RASGRP3: variants seen among roughly 807,000 people sequenced by gnomAD.
RASGRP3 encodes ras guanyl-releasing protein 3.
In RASGRP3, 54 loss-of-function variants were observed where a neutral mutation model predicts 82.7. The ratio of observed to expected loss-of-function variants is 0.65; its 90% CI spans 0.52 to 0.82. RASGRP3 has a LOEUF of 0.82. Ranked by LOEUF, RASGRP3 falls within the 40% of genes least tolerant of loss-of-function variation. RASGRP3 has a pLI of 0.00. For synonymous variants in RASGRP3, 309 were observed against 300.5 expected (o/e 1.03, Z -0.29); for missense variants, 861 against 828.9 (o/e 1.04, Z -0.48).
chr2:33,489,194 AT>A (rs1668642964), intron 1 of RASGRP3, among the ~76,000 whole-genome samples: 2 of 152,200 alleles, frequency 1.3e-5, no homozygotes, highest in South Asian at 4.1e-4. Context: ...ATCCAACCAA[AT>A]ATGTCAATAG....
intron 1 of RASGRP3, among the ~76,000 whole-genome samples, chr2:33,509,914 C>T (rs948194477): frequency 6.6e-6 from 1 of 152,084 alleles, no homozygotes; most frequent in Non-Finnish European, 1.5e-5. Flanking sequence ...AATCTTAATT[C>T]TCCTATGGAG....
chr2:33,514,783 T>C (rs552002294), intron 2 of RASGRP3, among the ~76,000 whole-genome samples: 1 of 152,206 alleles, frequency 6.6e-6, no homozygotes, highest in East Asian at 1.9e-4. Flanking sequence ...TGGGATGGTA[T>C]ATAACAGGGA....
chr2:33,513,343 C>T (rs1671121096), intron 2 of RASGRP3, among the ~76,000 whole-genome samples: 1 of 152,184 alleles, frequency 6.6e-6, no homozygotes, highest in Non-Finnish European at 1.5e-5. Context: ...CTAATACAAC[C>T]ATACATATGG....
At chr2:33,549,840 C>A in intron 14 of RASGRP3, 89 bp downstream of exon 14, 1 of 1,403,866 alleles carries the variant, frequency 7.1e-7, no homozygotes, top group South Asian at 1.5e-5. Context: ...AAATAAAGTT[C>A]ACTGTCTGCT....
At position 33,464,017 on chromosome 2, in the gene RASGRP3, G is replaced by T. The variant is rs574461303; in HGVS notation, c.-261+16074G>T. Among the ~76,000 whole-genome samples, 99 of 151,420 alleles carry T rather than the reference G, an allele frequency of 6.5e-4. 2 individuals carry two copies. The highest frequency in any genetic ancestry group is 1.1e-3 in the Non-Finnish European group (77 of 67,886). On this transcript the variant is annotated intron_variant, in intron 2 of 18. Coordinates refer to the RASGRP3 transcript ENST00000402538. Reference sequence around the variant, plus strand: ...AAAGTTTAAGGCAACCCTGCATCAAGCAAGTCTACTAGGACCATTTTTCCA... The same window carrying T: ...AAAGTTTAAGGCAACCCTGCATCAATCAAGTCTACTAGGACCATTTTTCCA...
intron 2 of RASGRP3, among the ~76,000 whole-genome samples, chr2:33,466,710 G>A (rs1666718253): frequency 6.6e-6 from 1 of 151,946 alleles, no homozygotes; most frequent in African/African-American, 2.4e-5. Context: ...AGCGGAGGAG[G>A]TAACTGCAGA....
intron 17 of RASGRP3, among the ~76,000 whole-genome samples, chr2:33,560,330 G>C (rs1283396920): frequency 6.6e-6 from 1 of 152,180 alleles, no homozygotes; most frequent in East Asian, 1.9e-4. Context: ...CTTGACAACT[G>C]TATCAGTCCT....
intron 1 of RASGRP3, among the ~76,000 whole-genome samples, chr2:33,508,477 G>A (rs148382648): frequency 1.3e-5 from 2 of 152,258 alleles, no homozygotes; most frequent in African/African-American, 4.8e-5. Flanking sequence ...GGATAAAGAA[G>A]AGGGCCACTT....
chr2:33,557,423 G>C (rs1307000818), intron 15 of RASGRP3, among the ~76,000 whole-genome samples: 3 of 152,150 alleles, frequency 2.0e-5, no homozygotes, highest in Admixed American at 2.0e-4. Flanking sequence ...AAAAAATCCA[G>C]ACAAGGCCGG....
chr2:33,478,948 C>G (rs913857446), intron 1 of RASGRP3, among the ~76,000 whole-genome samples: 3 of 152,196 alleles, frequency 2.0e-5, no homozygotes, highest in Admixed American at 2.0e-4. Flanking sequence ...AGATAGGAAA[C>G]TGAGGTTCTT....
chr2:33,450,814 CTTTCTTTCTTTTTT>C (rs1349458237), intron 2 of RASGRP3, among the ~76,000 whole-genome samples: 7 of 30,658 alleles, frequency 2.3e-4, no homozygotes, highest in African/African-American at 6.5e-4. Flanking sequence ...TTTTCTCTTT[CTTTCTTTCTTTTTT>C]TTTTTTTTTT....
At chr2:33,517,144 T>C (rs2151013810) in intron 4 of RASGRP3, among the ~76,000 whole-genome samples, 1 of 152,350 alleles carries the variant, frequency 6.6e-6, no homozygotes, top group East Asian at 1.9e-4. Context: ...TATAATTTGT[T>C]GACTGATACT....
intron 13 of RASGRP3, among the ~76,000 whole-genome samples, chr2:33,546,899 T>C (rs566544236): frequency 1.2e-4 from 18 of 151,854 alleles, no homozygotes; most frequent in African/African-American, 4.4e-4. Context: ...AAACCCCATC[T>C]CTACTGAAAA....
chr2:33,518,547 A>G (rs897819016), intron 4 of RASGRP3, among the ~76,000 whole-genome samples: 1 of 152,136 alleles, frequency 6.6e-6, no homozygotes, highest in East Asian at 1.9e-4. Flanking sequence ...TCTTTCCTCA[A>G]TAATAAATTA....
chr2:33,467,101 A>G (rs1201871162), intron 2 of RASGRP3, among the ~76,000 whole-genome samples: 1 of 151,982 alleles, frequency 6.6e-6, no homozygotes, highest in African/African-American at 2.4e-5. Flanking sequence ...ACTTGGTATT[A>G]TATATAATAA....
chr2:33,449,823 A>G (rs1307139966), intron 2 of RASGRP3, among the ~76,000 whole-genome samples: 3 of 152,338 alleles, frequency 2.0e-5, no homozygotes, highest in East Asian at 3.9e-4. Flanking sequence ...CAAAATGCAA[A>G]CTTTTGTATA....
intron 14 of RASGRP3, among the ~76,000 whole-genome samples, chr2:33,554,619 CCCA>C (rs1558523572): frequency 6.6e-6 from 1 of 152,092 alleles, no homozygotes; most frequent in Non-Finnish European, 1.5e-5. Flanking sequence ...ACCACAGGCG[CCCA>C]CCATCATGAC....
chr2:33,457,200 C>T (rs1056122675), intron 2 of RASGRP3, among the ~76,000 whole-genome samples: 1 of 152,066 alleles, frequency 6.6e-6, no homozygotes, highest in Non-Finnish European at 1.5e-5. Flanking sequence ...CTAATTATTT[C>T]CCATTGTTTT....
chr2:33,549,987 TTTTG>T (rs1389673548), intron 14 of RASGRP3, among the ~76,000 whole-genome samples: 1 of 152,142 alleles, frequency 6.6e-6, no homozygotes, highest in Non-Finnish European at 1.5e-5. Flanking sequence ...AAGAGAGTGG[TTTTG>T]TTTATTACTC....
Sources: allele counts gnomAD v4.1 joint callset (sites outside exome capture counted in the v4.1 genomes callset), GRCh38; gene constraint gnomAD v4.1.1; transcripts MANE v1.5; gene names NCBI Gene and HGNC (gene_info 2026-07-23, HGNC 2026-07-21).